Variants in HPSE2 observed in about 807,000 individuals in gnomAD.
The protein encoded by HPSE2 is inactive heparanase-2.
Under a neutral mutation model 60.5 loss-of-function variants are expected in HPSE2, and 38 were observed. That is an observed-to-expected ratio of 0.63 (90% CI 0.48 to 0.82). HPSE2 has a LOEUF of 0.82. Ranked by LOEUF, HPSE2 falls within the 40% of genes least tolerant of loss-of-function variation. The probability of loss-of-function intolerance (pLI) is 0.00; values close to 1 mark genes in which losing one functional copy is unlikely to be tolerated. For missense variants in HPSE2, 713 were observed against 740.4 expected, an observed-to-expected ratio of 0.96 and a Z score of 0.43; for synonymous variants, 295 against 293.2, an observed-to-expected ratio of 1.01 and a Z score of -0.06.
At chr10:99,010,236 AT>A (rs888257594) in intron 3 of HPSE2, among the ~76,000 whole-genome samples, 3 of 152,166 alleles carry the variant, frequency 2.0e-5, no homozygotes, top group African/African-American at 4.8e-5. Flanking sequence ...TTTATTTTCT[AT>A]TTTTTTATCT....
At chr10:98,899,545 T>C (rs1953601154) in intron 3 of HPSE2, among the ~76,000 whole-genome samples, 2 of 151,836 alleles carry the variant, frequency 1.3e-5, no homozygotes, top group Admixed American at 1.3e-4. Context: ...AGATGGCAAA[T>C]AAGCCCATGA....
chr10:98,497,374 T>C (rs1443984693), intron 9 of HPSE2, among the ~76,000 whole-genome samples: 1 of 152,162 alleles, frequency 6.6e-6, no homozygotes, highest in Non-Finnish European at 1.5e-5. Context: ...ATGAGGACTT[T>C]GTGTGTATGT....
At chr10:98,522,495 A>C (rs748974851) in intron 9 of HPSE2, among the ~76,000 whole-genome samples, 1 of 151,916 alleles carries the variant, frequency 6.6e-6, no homozygotes, top group Non-Finnish European at 1.5e-5. Flanking sequence ...TGTTTTTTTG[A>C]GATGGAATCT....
chr10:98,742,599 A>C (rs1013243261), intron 4 of HPSE2, among the ~76,000 whole-genome samples: 9 of 152,170 alleles, frequency 5.9e-5, no homozygotes, highest in African/African-American at 2.2e-4. Flanking sequence ...ACTATCAATA[A>C]TTTTAACTAT....
rs1940155300 is a variant in HPSE2, at chr10:98,458,784, G to A, written c.*790C>T. The A allele has an allele frequency of 6.5e-6, 1 of 152,832 alleles. No homozygotes were observed. The highest frequency in any genetic ancestry group is 2.4e-5 in the African/African-American group (1 of 41,416). The allele number at this position is 152,832 out of a possible 1,614,324, so 9.5% of individuals were successfully genotyped here. On this transcript the variant is annotated 3_prime_UTR_variant, in exon 12 of 12. Coordinates refer to ENST00000370552, the MANE Select transcript of HPSE2 (RefSeq NM_021828.5). ...ACATGAAGAATGATGACTACTTTTT[G>A]TTGTGCCTAATAAACTGCTCTCCAC...
chr10:98,795,643 G>A (rs1046550327), intron 3 of HPSE2, among the ~76,000 whole-genome samples: 20 of 152,178 alleles, frequency 1.3e-4, no homozygotes, highest in African/African-American at 4.3e-4. Flanking sequence ...GCTAGGCTGG[G>A]CTCAGAGCCA....
At chr10:99,209,983 C>T (rs1848901337) in intron 2 of HPSE2, among the ~76,000 whole-genome samples, 1 of 152,192 alleles carries the variant, frequency 6.6e-6, no homozygotes, top group South Asian at 2.1e-4. Flanking sequence ...CCACTGCGCC[C>T]AGCCTTAGAG....
At chr10:98,819,745 A>G (rs1951380873) in intron 3 of HPSE2, among the ~76,000 whole-genome samples, 1 of 152,134 alleles carries the variant, frequency 6.6e-6, no homozygotes, top group South Asian at 2.1e-4. Flanking sequence ...ATTGACCCAA[A>G]CAAGCCCCTT....
intron 3 of HPSE2, among the ~76,000 whole-genome samples, chr10:99,118,938 C>G (rs956741458): frequency 6.6e-6 from 1 of 151,598 alleles, no homozygotes; most frequent in Non-Finnish European, 1.5e-5. Flanking sequence ...CTCACTGGAA[C>G]CTGGGAGGTG....
Position 98,457,774 on chromosome 10 carries a change from G to C in HPSE2, c.*1800C>G, listed in dbSNP as rs1488584174. ...CTGAAGCCTCAGTGGGAGGTGCCTG[G>C]TCCCAGAGAAACGGGTCCCTTCTGG... On this transcript the variant is annotated 3_prime_UTR_variant, in exon 12 of 12. Transcript: ENST00000370552. 6.6e-6 allele frequency: 1 copy of C among 151,430 alleles called. No individual in the cohort carries two copies. The highest frequency in any genetic ancestry group is 1.5e-5 in the Non-Finnish European group (1 of 67,988). The allele number at this position is 151,430 out of a possible 1,614,324, so 9.4% of individuals were successfully genotyped here. A position where few individuals can be genotyped will look rare whatever the true frequency, so the allele number is the denominator to read the frequency against.
intron 3 of HPSE2, among the ~76,000 whole-genome samples, chr10:99,006,021 G>T (rs1483478107): frequency 6.6e-6 from 1 of 152,150 alleles, no homozygotes; most frequent in Non-Finnish European, 1.5e-5. Flanking sequence ...TTCCTCAGGA[G>T]GAGACCTGGA....
At chr10:98,622,005 A>G (rs1946088087) in intron 7 of HPSE2, among the ~76,000 whole-genome samples, 1 of 152,228 alleles carries the variant, frequency 6.6e-6, no homozygotes, top group African/African-American at 2.4e-5. Flanking sequence ...CTACTCTCCT[A>G]GACATACACA....
intron 9 of HPSE2, among the ~76,000 whole-genome samples, chr10:98,494,683 A>T (rs1213725379): frequency 1.3e-5 from 2 of 152,210 alleles, no homozygotes; most frequent in African/African-American, 4.8e-5. Flanking sequence ...TTTTTACATC[A>T]ATGGTTGATG....
At chr10:98,998,075 G>A (rs1589489580) in intron 3 of HPSE2, among the ~76,000 whole-genome samples, 1 of 152,160 alleles carries the variant, frequency 6.6e-6, no homozygotes, top group Admixed American at 6.5e-5. Context: ...ATTCCTTCCT[G>A]AAGTCTCCAT....
intron 3 of HPSE2, among the ~76,000 whole-genome samples, chr10:99,011,100 G>A (rs1381387360): frequency 4.0e-5 from 6 of 151,248 alleles, no homozygotes; most frequent in African/African-American, 7.3e-5. Flanking sequence ...TTGTAAATGA[G>A]AACATGTGGT....
At chr10:99,005,210 A>T (rs1479121848) in intron 3 of HPSE2, among the ~76,000 whole-genome samples, 1 of 152,020 alleles carries the variant, frequency 6.6e-6, no homozygotes, top group Non-Finnish European at 1.5e-5. Flanking sequence ...CCCAGATTTG[A>T]AAAGTTTTCT....
intron 2 of HPSE2, among the ~76,000 whole-genome samples, chr10:99,191,411 A>G (rs910652437): frequency 2.6e-5 from 4 of 152,230 alleles, no homozygotes; most frequent in Admixed American, 2.0e-4. Flanking sequence ...AGCTCAGCAC[A>G]GAGAGACACA....
At chr10:99,254,140 C>T in the HPSE2 span, among the ~76,000 whole-genome samples, 1 of 152,162 alleles carries the variant, frequency 6.6e-6, no homozygotes, top group Non-Finnish European at 1.5e-5. Context: ...CAATTCACAA[C>T]AGCAAACACA....
chr10:98,843,669 A>G (rs1239773947), intron 3 of HPSE2, among the ~76,000 whole-genome samples: 3 of 152,208 alleles, frequency 2.0e-5, no homozygotes, highest in Non-Finnish European at 1.5e-5. Context: ...AGTAGACATA[A>G]CATCACCTCT....
Sources: gnomAD v4.1 joint callset for allele counts (sites outside exome capture counted in the v4.1 genomes callset) on GRCh38, gnomAD v4.1.1 for gene constraint, MANE v1.5 for transcripts, NCBI Gene and HGNC (gene_info 2026-07-23, HGNC 2026-07-21) for gene names.